Variants in CES3 observed in about 807,000 individuals in gnomAD.
CES3 encodes the protein carboxylesterase 3.
A neutral mutation model predicts 57.6 loss-of-function variants in CES3; 49 were observed. The observed-to-expected ratio is 0.85, with a 90% CI of 0.68 to 1.08. The LOEUF (loss-of-function observed/expected upper bound fraction) is 1.08, where lower values mean the gene tolerates loss of function less well. Ranked by LOEUF, CES3 falls within the 50% of genes least tolerant of loss-of-function variation. The probability of loss-of-function intolerance (pLI) is 0.00; values close to 1 mark genes in which losing one functional copy is unlikely to be tolerated. For missense variants in CES3, 645 were observed against 742.0 expected, an observed-to-expected ratio of 0.87 and a Z score of 1.52; for synonymous variants, 266 against 281.6, an observed-to-expected ratio of 0.94 and a Z score of 0.55.
At chr16:66,966,545 T>C (rs541090460) in intron 7 of CES3, 180 bp from the exon 8 acceptor site, 5 of 840,374 alleles carry the variant, frequency 5.9e-6, no homozygotes, top group East Asian at 5.3e-5. Flanking sequence ...GGAAAGAAAC[T>C]GGACGCATCT....
At chr16:66,971,448 C>T (rs1963832303) in intron 10 of CES3, 129 bp downstream of exon 10, 6 of 861,430 alleles carry the variant, frequency 7.0e-6, no homozygotes, top group Non-Finnish European at 1.1e-5. Context: ...CACTGCCCCC[C>T]ACCAAACCTA....
Position 66,973,106 on chromosome 16 carries a change from C to T in CES3, c.*57C>T. 2 of 1,503,704 alleles carry T rather than the reference C, an allele frequency of 1.3e-6. No individual in the cohort carries two copies. The highest frequency in any genetic ancestry group is 1.8e-6 in the Non-Finnish European group (2 of 1,096,858). The allele number at this position is 1,503,704 out of a possible 1,614,324, so 93.1% of individuals were successfully genotyped here. A position where few individuals can be genotyped will look rare whatever the true frequency, so the allele number is the denominator to read the frequency against. Reference sequence around the variant, plus strand: ...ACCACTCTTCAAGTGGTGGCAGAGTCCCAGCACGGCAGCCCGCCTCTCCCC... The same window carrying T: ...ACCACTCTTCAAGTGGTGGCAGAGTTCCAGCACGGCAGCCCGCCTCTCCCC... On this transcript the variant is annotated 3_prime_UTR_variant, in exon 13 of 13. Coordinates refer to ENST00000303334, the MANE Select transcript of CES3 (RefSeq NM_024922.6).
In CES3 at chr16:66,963,979, A is replaced by C. The variant is rs1156726206; in HGVS notation, c.560+44A>C. The C allele has an allele frequency of 6.3e-7, 1 of 1,594,014 alleles. No individual in the cohort carries two copies. Among genetic ancestry groups the C allele is most frequent in the Non-Finnish European group, 8.6e-7 (1 of 1,164,568 alleles). On this transcript the variant is annotated intron_variant, in intron 4 of 12. Coordinates refer to ENST00000303334, the MANE Select transcript of CES3 (RefSeq NM_024922.6). This position sits in a 1 kb window ranked among gnomAD's most constrained non-coding sequence, Gnocchi z 4.9. ...CCAGAGCACTGCCTGCACCGGGGAG[A>C]GGCCAGCTCACCAGAGCAACTGGGG...
In CES3 at chr16:66,963,027, G is replaced by A; in HGVS notation, c.83-152G>A. The A allele has an allele frequency of 1.2e-6, 1 of 806,576 alleles. No individual in the cohort carries two copies. 50.0% of individuals were successfully genotyped at this position (806,576 alleles called of 1,614,324 possible). ...AGGCAGGCAGGGAGGAGGAAGTTGG[G>A]CGTCAACCTAAGACCAGGCTCACCG... On this transcript the variant is annotated intron_variant, in intron 1 of 12. Transcript: ENST00000303334. This position sits in a 1 kb window ranked among gnomAD's most constrained non-coding sequence, Gnocchi z 4.9.
chr16:66,970,355 G>A (rs1299131565), intron 9 of CES3, among the ~76,000 whole-genome samples: 10 of 152,126 alleles, frequency 6.6e-5, no homozygotes, highest in East Asian at 1.9e-4. Context: ...TGATTCACCC[G>A]CCTCGGCCTC....
chr16:66,961,412 G>C (rs1462103502), intron 1 of CES3, 23 bp downstream of exon 1: 2 of 1,596,370 alleles, frequency 1.3e-6, no homozygotes, highest in African/African-American at 2.7e-5. Flanking sequence ...TGCTGGGCCT[G>C]CAGAGGTACT....
chr16:66,964,501 C>T lies in CES3; in HGVS notation c.705C>T (p.Ile235=). 1 of 1,614,068 alleles carries T rather than the reference C, an allele frequency of 6.2e-7. No individual in the cohort carries two copies. Among genetic ancestry groups the T allele is most frequent in the Non-Finnish European group, 8.5e-7 (1 of 1,179,978 alleles). ...VFGGSAGGSI[I]SGLVLSPVAA... is the part of the protein sequence containing the mutation. ...GTGGATCTGCCGGTGGGAGCATCAT[C>T]TCTGGCCTGGTAAGTCACTATAGGG... Residue 235 remains isoleucine, a synonymous_variant, in exon 5 of 13, where the codon ATC becomes ATT. Coordinates refer to ENST00000303334, the MANE Select transcript of CES3 (RefSeq NM_024922.6).
At chr16:66,961,472 C>T in intron 1 of CES3, 83 bp downstream of exon 1, 1 of 1,121,990 alleles carries the variant, frequency 8.9e-7, no homozygotes, top group Admixed American at 2.0e-5. Flanking sequence ...AGTGGGCCGA[C>T]CGCTCAGGAA....
chr16:66,972,387 C>T lies in CES3; in HGVS notation c.1323C>T (p.Phe441=). ...GAAGCCCTGTCTTTTTCTATGAGTT[C>T]CAGCATCGACCCAGTTCTTTTGCGA... ...DSGSPVFFYE[F]QHRPSSFAKI... The change falls in exon 11 of 13, where the codon TTC becomes TTT. Residue 441 remains phenylalanine, a synonymous_variant. Coordinates refer to ENST00000303334, the MANE Select transcript of CES3 (RefSeq NM_024922.6). The T allele has an allele frequency of 6.2e-7, 1 of 1,610,236 alleles. No individual in the cohort carries two copies. Among genetic ancestry groups the T allele is most frequent in the Non-Finnish European group, 8.5e-7 (1 of 1,178,210 alleles).
chr16:66,961,844 GT>G (rs1054804001), intron 1 of CES3, among the ~76,000 whole-genome samples: 1 of 152,080 alleles, frequency 6.6e-6, no homozygotes, highest in African/African-American at 2.4e-5. Context: ...GATTACAGGC[GT>G]GAGCCACCGC....
chr16:66,962,221 C>A (rs1963660329), intron 1 of CES3, among the ~76,000 whole-genome samples: 1 of 152,146 alleles, frequency 6.6e-6, no homozygotes, highest in Non-Finnish European at 1.5e-5. Context: ...CAGCCAGGAG[C>A]TGAGAGCTGT....
Position 66,966,839 on chromosome 16 carries a change from C to A in CES3, c.1036C>A (p.His346Asn). 6.2e-7 allele frequency: 1 copy of A among 1,614,116 alleles called. No individual in the cohort carries two copies. Among genetic ancestry groups the A allele is most frequent in the Non-Finnish European group, 8.5e-7 (1 of 1,180,026 alleles). The change falls in exon 8 of 13, where the codon CAT becomes AAT. Residue 346 changes from histidine (H) to asparagine (N), a missense_variant. Coordinates refer to ENST00000303334, the MANE Select transcript of CES3 (RefSeq NM_024922.6). The part of the protein sequence containing the change: ...SVPFLMGVNN[H>N]EFSWLIPRGW... ...GCCCTTCCTCATGGGTGTCAACAAC[C>A]ATGAGTTCAGCTGGCTCATCCCCAG...
At position 66,963,556 on chromosome 16, in the gene CES3, T is replaced by C; in HGVS notation, c.353T>C (p.Phe118Ser). ...RFVLNGKQQI[F>S]SVSEDCLVLN... The stretch of plus-strand genomic sequence containing the variant: ...GTCCTCAACGGAAAACAGCAGATCT[T>C]CTCCGTTTCAGAGGACTGCCTGGTC... Residue 118 changes from phenylalanine to serine, a missense_variant, in exon 3 of 13, where the codon TTC (phenylalanine) becomes TCC (serine). Coordinates refer to ENST00000303334, the MANE Select transcript of CES3 (RefSeq NM_024922.6). The surrounding 1 kb of genome is among the most constrained non-coding windows in gnomAD (Gnocchi z 4.9). 10 of 1,614,182 alleles carry C rather than the reference T, an allele frequency of 6.2e-6. No individual in the cohort carries two copies. The highest frequency in any genetic ancestry group is 7.6e-6 in the Non-Finnish European group (9 of 1,180,020).
At chr16:66,970,407 C>T (rs1963812597) in intron 9 of CES3, among the ~76,000 whole-genome samples, 1 of 152,338 alleles carries the variant, frequency 6.6e-6, no homozygotes, top group South Asian at 2.1e-4. Context: ...CCGCGCCCGG[C>T]GCTGCAACTC....
At chr16:66,964,754 C>G (rs558149248) in intron 6 of CES3, 27 bp downstream of exon 6, 1 of 1,585,480 alleles carries the variant, frequency 6.3e-7, no homozygotes, top group Non-Finnish European at 8.6e-7. Context: ...CTCTCTTACT[C>G]TATGTGTGCC....
At chr16:66,970,185 C>T (rs976772350) in intron 9 of CES3, among the ~76,000 whole-genome samples, 6 of 151,218 alleles carry the variant, frequency 4.0e-5, no homozygotes, top group African/African-American at 1.5e-4. Flanking sequence ...CTCGGCTCAC[C>T]GCAACATCCA....
chr16:66,973,072 C>T lies in CES3; in HGVS notation c.*23C>T. On this transcript the variant is annotated 3_prime_UTR_variant, in exon 13 of 13. Coordinates refer to ENST00000303334, the MANE Select transcript of CES3 (RefSeq NM_024922.6). ...TGAGGCCAGGCCTGAACCTTCTTGG[C>T]TGGGGCAAACCACTCTTCAAGTGGT... 1.2e-6 allele frequency: 2 copies of T among 1,603,928 alleles called. No homozygotes were observed. The highest frequency in any genetic ancestry group is 1.7e-6 in the Non-Finnish European group (2 of 1,173,006).
Position 66,972,871 on chromosome 16 carries a change from C to A in CES3, c.1538C>A (p.Ala513Asp). 6.2e-7 allele frequency: 1 copy of A among 1,614,178 alleles called. No homozygotes were observed. Among genetic ancestry groups the A allele is most frequent in the East Asian group, 2.2e-5 (1 of 44,884 alleles). ...CCACCCAGGGACCCCAATAGCAAGG[C>A]TCTGCCTCCTTGGCCCCAATTCAAC... The part of the protein sequence containing the change: ...FARTGDPNSK[A>D]LPPWPQFNQA... Residue 513 changes from alanine (A) to aspartate (D), a missense_variant, in exon 13 of 13, where the codon GCT (alanine) becomes GAT (aspartate). By Grantham distance (126) the Ala-to-Asp change is moderately radical. Coordinates refer to ENST00000303334, the MANE Select transcript of CES3 (RefSeq NM_024922.6).
At position 66,964,352 on chromosome 16, in the gene CES3, C is replaced by T; in HGVS notation, c.561-5C>T. 3.1e-6 allele frequency: 5 copies of T among 1,613,348 alleles called. No homozygotes were observed. Among genetic ancestry groups the T allele is most frequent in the Admixed American group, 1.7e-5 (1 of 59,966 alleles). On this transcript the variant is annotated splice_polypyrimidine_tract_variant and splice_region_variant and intron_variant, in intron 4 of 12. Coordinates refer to ENST00000303334, the MANE Select transcript of CES3 (RefSeq NM_024922.6). ...AACTAACCGTTGCCCCAACACTGCC[C>T]CCAGCACTGGAGATGAGCATGCACC... is the stretch of plus-strand genomic sequence containing the variant.
Sources: allele counts gnomAD v4.1 joint callset (sites outside exome capture counted in the v4.1 genomes callset), GRCh38; gene constraint gnomAD v4.1.1; non-coding constraint Gnocchi (gnomAD v3.1); transcripts MANE v1.5; gene names NCBI Gene and HGNC (gene_info 2026-07-23, HGNC 2026-07-21).